The following TFAP2B variants were observed in gnomAD, a reference collection of about 807,000 sequenced individuals.
The protein encoded by TFAP2B is transcription factor AP-2 beta.
In TFAP2B, 9 loss-of-function variants were observed where a neutral mutation model predicts 44.3. The ratio of observed to expected loss-of-function variants is 0.20; its 90% CI spans 0.12 to 0.35. TFAP2B has a LOEUF of 0.35. Ranked by LOEUF, TFAP2B falls within the 10% of genes least tolerant of loss-of-function variation. The probability of loss-of-function intolerance (pLI) is 1.00; values close to 1 mark genes in which losing one functional copy is unlikely to be tolerated. For synonymous variants in TFAP2B, 270 were observed against 263.8 expected, an observed-to-expected ratio of 1.02 and a Z score of -0.23; for missense variants, 509 against 600.0, an observed-to-expected ratio of 0.85 and a Z score of 1.59.
Position 50,847,109 on chromosome 6 carries a change from C to T in TFAP2B, c.*3717C>T, listed in dbSNP as rs548489621. 6 of 152,690 alleles carry T rather than the reference C, an allele frequency of 3.9e-5. No homozygotes were observed. The highest frequency in any genetic ancestry group is 1.2e-4 in the African/African-American group (5 of 41,542). The allele number at this position is 152,690 out of a possible 1,614,324, so 9.5% of individuals were successfully genotyped here. A position where few individuals can be genotyped will look rare whatever the true frequency, so the allele number is the denominator to read the frequency against. On this transcript the variant is annotated 3_prime_UTR_variant, in exon 7 of 7. Coordinates refer to ENST00000393655, the MANE Select transcript of TFAP2B (RefSeq NM_003221.4). ...AATACATTATGTGGAAAGGAAATAA[C>T]CTTAAACCGTCTGATGTTGCCTCAA...
chr6:50,838,356 G>A (rs552639817), intron 5 of TFAP2B, among the ~76,000 whole-genome samples: 2 of 152,136 alleles, frequency 1.3e-5, no homozygotes, highest in South Asian at 4.1e-4. Context: ...CAAAGCAGGG[G>A]TCACTCCTGC....
At chr6:50,825,934 C>T (rs1470683871) in intron 2 of TFAP2B, among the ~76,000 whole-genome samples, 1 of 152,174 alleles carries the variant, frequency 6.6e-6, no homozygotes, top group Non-Finnish European at 1.5e-5. Flanking sequence ...CGGTCTCTGC[C>T]TCCGCGGTGA....
Position 50,840,132 on chromosome 6 carries a change from T to G in TFAP2B, c.941-24T>G, listed in dbSNP as rs577129727. ...TATTTAGGGCCTGGGTGCTGATTAT[T>G]ACCTTTACTGCTGTCTTTTTCAGGA... On this transcript the variant is annotated intron_variant, in intron 5 of 6. Coordinates refer to ENST00000393655, the MANE Select transcript of TFAP2B (RefSeq NM_003221.4). The G allele has an allele frequency of 9.3e-6, 15 of 1,613,828 alleles. No homozygotes were observed. The South Asian group carries it at 1.5e-4, about 17-fold the overall frequency.
rs1330670315 is a variant in TFAP2B at position 50,846,320 on chromosome 6, A to C, written c.*2928A>C. The C allele has an allele frequency of 6.6e-6, 1 of 152,382 alleles. No homozygotes were observed. Among genetic ancestry groups the C allele is most frequent in the Non-Finnish European group, 1.5e-5 (1 of 68,024 alleles). The allele number at this position is 152,382 out of a possible 1,614,324, so 9.4% of individuals were successfully genotyped here. A position where few individuals can be genotyped will look rare whatever the true frequency, so the allele number is the denominator to read the frequency against. On this transcript the variant is annotated 3_prime_UTR_variant, in exon 7 of 7. Coordinates refer to ENST00000393655, the MANE Select transcript of TFAP2B (RefSeq NM_003221.4). ...GCCCGCTACATTTATCTGATAATTG[A>C]GTTATTAAAAGATTTGGTTTCCTTG...
intron 2 of TFAP2B, among the ~76,000 whole-genome samples, chr6:50,826,572 C>A (rs1481587152): frequency 7.1e-6 from 1 of 141,260 alleles, no homozygotes; most frequent in East Asian, 2.2e-4. Context: ...CATGAGCGCG[C>A]GCGCGCGCGC....
At chr6:50,831,666 G>GT (rs1770683554) in intron 3 of TFAP2B, among the ~76,000 whole-genome samples, 1 of 151,790 alleles carries the variant, frequency 6.6e-6, no homozygotes, top group South Asian at 2.1e-4. Flanking sequence ...AATCTGGGGG[G>GT]AGGAAGAGGG....
chr6:50,824,725 C>T (rs1259555868), intron 2 of TFAP2B, among the ~76,000 whole-genome samples: 6 of 152,168 alleles, frequency 3.9e-5, no homozygotes, highest in Admixed American at 3.9e-4. Flanking sequence ...CTCCCCCTAC[C>T]CACCCACTAT....
At position 50,843,386 on chromosome 6, in the gene TFAP2B, G is replaced by A; in HGVS notation, c.1377G>A (p.Arg459=). The part of the protein sequence containing the change: ...SKTGDKEEKH[R]K ...CTGGCGACAAGGAGGAGAAACACAG[G>A]AAATGAAAAATTTTTAAAAAAAGAA... Residue 459 remains arginine, a synonymous_variant, in exon 7 of 7, where the codon AGG becomes AGA. Coordinates refer to ENST00000393655, the MANE Select transcript of TFAP2B (RefSeq NM_003221.4). The A allele has an allele frequency of 3.7e-6, 6 of 1,612,348 alleles. No homozygotes were observed. Among genetic ancestry groups the A allele is most frequent in the South Asian group, 1.1e-5 (1 of 90,362 alleles).
intron 1 of TFAP2B, among the ~76,000 whole-genome samples, chr6:50,820,275 G>T (rs555445102): frequency 2.0e-5 from 3 of 152,324 alleles, no homozygotes; most frequent in Non-Finnish European, 4.4e-5. Flanking sequence ...AAAGCCCGGC[G>T]CAGAGCCGCC....
intron 3 of TFAP2B, chr6:50,830,298 C>T (rs1169465768): frequency 1.0e-6 from 1 of 984,898 alleles, no homozygotes; most frequent in Non-Finnish European, 1.2e-6. Context: ...TATTAATAGC[C>T]AGTCCAATAA....
intron 2 of TFAP2B, among the ~76,000 whole-genome samples, chr6:50,824,864 C>T (rs1460523453): frequency 1.3e-5 from 2 of 152,130 alleles, no homozygotes; most frequent in East Asian, 1.9e-4. Context: ...CTTTTTCACC[C>T]TAAGTTAAAT....
At chr6:50,838,312 T>A (rs1762661891) in intron 5 of TFAP2B, among the ~76,000 whole-genome samples, 1 of 152,192 alleles carries the variant, frequency 6.6e-6, no homozygotes, top group African/African-American at 2.4e-5. Flanking sequence ...AGAGTTCCTG[T>A]GCTCTGAAAA....
At chr6:50,835,643 C>T (rs1042911130) in intron 3 of TFAP2B, among the ~76,000 whole-genome samples, 2 of 152,136 alleles carry the variant, frequency 1.3e-5, no homozygotes, top group Non-Finnish European at 2.9e-5. Flanking sequence ...GCTTCAGCAC[C>T]AAATGAGATA....
At chr6:50,819,907 G>T (rs1412908399) in intron 1 of TFAP2B, among the ~76,000 whole-genome samples, 2 of 151,938 alleles carry the variant, frequency 1.3e-5, no homozygotes, top group Non-Finnish European at 2.9e-5. Flanking sequence ...CGGGGCGCGC[G>T]GCGGGCCAGG....
At chr6:50,839,292 T>C (rs1241895386) in intron 5 of TFAP2B, among the ~76,000 whole-genome samples, 2 of 152,228 alleles carry the variant, frequency 1.3e-5, no homozygotes, top group Non-Finnish European at 2.9e-5. Context: ...TTGTGACTCC[T>C]TGTAAGCACC....
At chr6:50,833,949 T>A (rs535620428) in intron 3 of TFAP2B, among the ~76,000 whole-genome samples, 1 of 152,346 alleles carries the variant, frequency 6.6e-6, no homozygotes, top group South Asian at 2.1e-4. Context: ...GTGAGATTTT[T>A]ATCTAATTTA....
At chr6:50,842,380 T>G (rs1762750013) in intron 6 of TFAP2B, among the ~76,000 whole-genome samples, 1 of 152,240 alleles carries the variant, frequency 6.6e-6, no homozygotes, top group Non-Finnish European at 1.5e-5. Context: ...CTATCCTCCC[T>G]AGTGTCTTAA....
chr6:50,829,089 T>C (rs576044331), intron 3 of TFAP2B, among the ~76,000 whole-genome samples: 1 of 152,362 alleles, frequency 6.6e-6, no homozygotes, highest in Non-Finnish European at 1.5e-5. Context: ...TTCTTCGTTT[T>C]GTATTTGATT....
intron 6 of TFAP2B, 139 bp downstream of exon 6, chr6:50,840,436 G>C (rs192579513): frequency 2.9e-4 from 320 of 1,086,990 alleles, no homozygotes; most frequent in Admixed American, 1.2e-3. Flanking sequence ...TGGCAAGCAA[G>C]GTAGGCAGAG....
Sources: gnomAD v4.1 joint callset for allele counts (sites outside exome capture counted in the v4.1 genomes callset) on GRCh38, gnomAD v4.1.1 for gene constraint, MANE v1.5 for transcripts, NCBI Gene and HGNC (gene_info 2026-07-23, HGNC 2026-07-21) for gene names.